Variants in ASAP1 observed in about 807,000 individuals in gnomAD.
ASAP1 encodes the protein ArfGAP with SH3 domain, ankyrin repeat and PH domain 1.
ASAP1 carries 43 observed loss-of-function variants against 145.2 expected under a neutral mutation model. The observed-to-expected ratio is 0.30, with a 90% CI of 0.23 to 0.38. The LOEUF is 0.38. ASAP1 is among the 10% of genes least tolerant of loss of function. ASAP1 has a pLI of 1.00. For missense variants in ASAP1, 1,018 were observed against 1,355.3 expected, an observed-to-expected ratio of 0.75 and a Z score of 3.91; for synonymous variants, 546 against 515.5, an observed-to-expected ratio of 1.06 and a Z score of -0.80.
Position 130,358,158 on chromosome 8 carries a change from G to T in ASAP1, c.60-15C>A. 6.3e-7 allele frequency: 1 copy of T among 1,595,702 alleles called. No individual in the cohort carries two copies. On this transcript the variant is annotated splice_polypyrimidine_tract_variant and intron_variant, in intron 2 of 29. Transcript: ENST00000518721. The surrounding 1 kb of genome is among the most constrained non-coding windows in gnomAD (Gnocchi z 4.1). ...GGTCCGGCATCCTGCCGGGAGGGAC[G>T]AGACACAAGCGGGGGCGGGGGGTGA...
intron 5 of ASAP1, among the ~76,000 whole-genome samples, chr8:130,210,792 C>A (rs1816532530): frequency 6.6e-6 from 1 of 152,194 alleles, no homozygotes; most frequent in African/African-American, 2.4e-5. Flanking sequence ...TTTGGTGCAT[C>A]TATCTCTAAA....
intron 3 of ASAP1, among the ~76,000 whole-genome samples, chr8:130,258,900 G>A (rs1819728397): frequency 6.6e-6 from 1 of 152,078 alleles, no homozygotes; most frequent in Non-Finnish European, 1.5e-5. Context: ...TGTTTCTTAT[G>A]CCTTCCCTAC....
chr8:130,304,620 T>C (rs1038142139), intron 3 of ASAP1, among the ~76,000 whole-genome samples: 2 of 152,176 alleles, frequency 1.3e-5, no homozygotes, highest in African/African-American at 4.8e-5. Context: ...GACAATCTCA[T>C]GTTTAATTTC....
intron 4 of ASAP1, among the ~76,000 whole-genome samples, chr8:130,235,854 G>C (rs1818183146): frequency 6.6e-6 from 1 of 152,106 alleles, no homozygotes; most frequent in Admixed American, 6.6e-5. Context: ...GGCTTGTTCA[G>C]GTTCCATTCA....
In ASAP1 at chr8:130,118,483, C is replaced by A; in HGVS notation, c.1794+6G>T. On this transcript the variant is annotated splice_donor_region_variant and intron_variant, in intron 19 of 29. Coordinates refer to ENST00000518721, the MANE Select transcript of ASAP1 (RefSeq NM_018482.4). ...TTTTTATCCAATGATTTTAGTGAGGCCTTACCTGCCCAGGTTCCAGCAGTG... is the reference window on the plus strand; with the variant it reads ...TTTTTATCCAATGATTTTAGTGAGGACTTACCTGCCCAGGTTCCAGCAGTG... 6.2e-7 allele frequency: 1 copy of A among 1,600,408 alleles called. No homozygotes were observed. The highest frequency in any genetic ancestry group is 2.2e-5 in the East Asian group (1 of 44,680).
At chr8:130,408,525 G>A (rs1829132028) in intron 1 of ASAP1, among the ~76,000 whole-genome samples, 1 of 152,144 alleles carries the variant, frequency 6.6e-6, no homozygotes, top group Non-Finnish European at 1.5e-5. Context: ...TTCGGGCTAG[G>A]ACTGAATTAC....
intron 16 of ASAP1, among the ~76,000 whole-genome samples, 164 bp downstream of exon 16, chr8:130,127,763 A>T (rs2097577233): frequency 6.6e-6 from 1 of 152,176 alleles, no homozygotes; most frequent in South Asian, 2.1e-4. Context: ...CAGCATAGGT[A>T]AAAGCAGCTC....
intron 27 of ASAP1, among the ~76,000 whole-genome samples, chr8:130,066,756 C>G (rs551092155): frequency 6.6e-6 from 1 of 152,284 alleles, no homozygotes; most frequent in East Asian, 1.9e-4. Context: ...ATGTAAACTG[C>G]AAGTGCCCTC....
At chr8:130,128,155 T>TC in intron 15 of ASAP1, 65 bp from the exon 16 acceptor site, 2 of 952,016 alleles carry the variant, frequency 2.1e-6, no homozygotes, top group African/African-American at 3.6e-5. Context: ...TTTTTTTTTT[T>TC]TTTTTTTTTG....
chr8:130,257,502 G>C (rs1819632942), intron 3 of ASAP1, among the ~76,000 whole-genome samples: 1 of 151,698 alleles, frequency 6.6e-6, no homozygotes, highest in Admixed American at 6.6e-5. Flanking sequence ...TTATAGGTCT[G>C]GTTAAAAAAA....
intron 15 of ASAP1, among the ~76,000 whole-genome samples, chr8:130,128,645 G>A (rs1305574506): frequency 6.6e-6 from 1 of 152,152 alleles, no homozygotes; most frequent in East Asian, 1.9e-4. Flanking sequence ...ATGGAAACAT[G>A]ATGACATTTA....
chr8:130,106,326 T>C (rs891952661), intron 24 of ASAP1, among the ~76,000 whole-genome samples: 9 of 152,208 alleles, frequency 5.9e-5, no homozygotes, highest in African/African-American at 2.2e-4. Context: ...GTCATCAATA[T>C]ATGAATAACA....
In ASAP1 at chr8:130,127,979, C is replaced by A; in HGVS notation, c.1329G>T (p.Glu443Asp). 1 of 1,614,086 alleles carries A rather than the reference C, an allele frequency of 6.2e-7. No homozygotes were observed. Among genetic ancestry groups the A allele is most frequent in the Non-Finnish European group, 8.5e-7 (1 of 1,180,016 alleles). Residue 443 changes from glutamate to aspartate, a missense_variant, in exon 16 of 30, where the codon GAG becomes GAT. Physicochemically the swap from Glu to Asp is conservative, Grantham distance 45. Around this residue, in one of 9 missense-constraint regions of ASAP1, gnomAD observed 153 missense variants for 221.6 expected, o/e 0.69. Coordinates refer to ENST00000518721, the MANE Select transcript of ASAP1 (RefSeq NM_018482.4). ...CATTCCCTGGGAGCCGCTGGACATC[C>A]TCAATAATGGCTTTTGTCAGGTCTT... Reference protein sequence around the residue: ...SLEDLTKAIIEDVQRLPGNDI... With the variant: ...SLEDLTKAIIDDVQRLPGNDI...
At chr8:130,314,285 T>C (rs186024732) in intron 3 of ASAP1, among the ~76,000 whole-genome samples, 13 of 152,298 alleles carry the variant, frequency 8.5e-5, no homozygotes, top group African/African-American at 3.1e-4. Context: ...TCTCAAAACA[T>C]ATTGAAATGA....
intron 4 of ASAP1, among the ~76,000 whole-genome samples, chr8:130,224,933 T>C (rs1817505233): frequency 6.6e-6 from 1 of 152,232 alleles, no homozygotes; most frequent in African/African-American, 2.4e-5. Flanking sequence ...TTAAAGCAAT[T>C]CACATTCCCA....
intron 24 of ASAP1, among the ~76,000 whole-genome samples, chr8:130,097,811 G>A (rs901552918): frequency 2.6e-5 from 4 of 152,138 alleles, no homozygotes; most frequent in Admixed American, 6.5e-5. Flanking sequence ...TCCCTTATGG[G>A]AAATCGATAT....
chr8:130,337,675 C>T (rs1487432608), intron 3 of ASAP1, among the ~76,000 whole-genome samples: 2 of 152,224 alleles, frequency 1.3e-5, no homozygotes, highest in Non-Finnish European at 2.9e-5. Context: ...TCATCCACAA[C>T]TTCTCAAAGA....
At chr8:130,406,702 C>T (rs1565289962) in intron 1 of ASAP1, among the ~76,000 whole-genome samples, 1 of 152,040 alleles carries the variant, frequency 6.6e-6, no homozygotes, top group Non-Finnish European at 1.5e-5. Flanking sequence ...AGGATGATCT[C>T]GAACTCCTGA....
intron 29 of ASAP1, 48 bp downstream of exon 29, chr8:130,057,906 G>A (rs373656601): frequency 1.2e-6 from 2 of 1,603,394 alleles, no homozygotes; most frequent in African/African-American, 2.7e-5. Flanking sequence ...GCCTGCCCAG[G>A]CATGCTGTAT....
Sources: gnomAD v4.1 joint callset for allele counts (sites outside exome capture counted in the v4.1 genomes callset) on GRCh38, gnomAD v4.1.1 for gene constraint, gnomAD v4.1.1 regional missense constraint, Gnocchi (gnomAD v3.1) non-coding constraint, MANE v1.5 for transcripts, NCBI Gene and HGNC (gene_info 2026-07-23, HGNC 2026-07-21) for gene names.